PCCA: variants seen among roughly 807,000 people sequenced by gnomAD.
PCCA encodes the protein propionyl-CoA carboxylase subunit alpha, also known as propionyl-CoA carboxylase alpha chain, mitochondrial.
In PCCA, 74 loss-of-function variants were observed where a neutral mutation model predicts 101.3. The observed-to-expected ratio is 0.73, with a 90% CI of 0.61 to 0.89. PCCA has a LOEUF of 0.89. Among genes scored for constraint, PCCA ranks in the 40% least tolerant of loss-of-function variants. The pLI is 0.00. For missense variants in PCCA, 891 were observed against 907.0 expected, an observed-to-expected ratio of 0.98 and a Z score of 0.23; for synonymous variants, 294 against 313.6, an observed-to-expected ratio of 0.94 and a Z score of 0.66.
At chr13:100,363,281 G>C (rs993901051) in intron 18 of PCCA, among the ~76,000 whole-genome samples, 2 of 151,714 alleles carry the variant, frequency 1.3e-5, no homozygotes, top group Non-Finnish European at 2.9e-5. Context: ...TCATATACTA[G>C]ATCTAAAGTT....
At chr13:100,354,278 AAAG>A (rs1366686161) in intron 18 of PCCA, among the ~76,000 whole-genome samples, 1 of 140,692 alleles carries the variant, frequency 7.1e-6, no homozygotes, top group Non-Finnish European at 1.5e-5. Flanking sequence ...GACCCTGTTG[AAAG>A]AAAGAAGGAG....
intron 4 of PCCA, among the ~76,000 whole-genome samples, chr13:100,137,937 G>C (rs1265536858): frequency 6.6e-6 from 1 of 151,948 alleles, no homozygotes; most frequent in South Asian, 2.1e-4. Context: ...AGCCTCCTGA[G>C]TAACTGGGAA....
At chr13:100,448,614 ATTTAC>A (rs1231336332) in intron 20 of PCCA, among the ~76,000 whole-genome samples, 2 of 152,196 alleles carry the variant, frequency 1.3e-5, no homozygotes, top group East Asian at 3.8e-4. Context: ...TAGTCATAGT[ATTTAC>A]TTTTAATTAA....
intron 18 of PCCA, among the ~76,000 whole-genome samples, chr13:100,354,658 G>A (rs2073771728): frequency 6.6e-6 from 1 of 152,054 alleles, no homozygotes; most frequent in African/African-American, 2.4e-5. Flanking sequence ...TGAATAATAG[G>A]GGGTATGCCT....
chr13:100,224,460 G>A (rs1177890664), intron 7 of PCCA, among the ~76,000 whole-genome samples: 1 of 152,254 alleles, frequency 6.6e-6, no homozygotes, highest in African/African-American at 2.4e-5. Context: ...AGCTGAGGGA[G>A]CTGGCTCTGG....
intron 21 of PCCA, among the ~76,000 whole-genome samples, chr13:100,505,440 G>C (rs564469151): frequency 6.6e-6 from 1 of 152,188 alleles, no homozygotes; most frequent in Non-Finnish European, 1.5e-5. Flanking sequence ...TCCTTTCTTT[G>C]ATTTTAGAGC....
intron 6 of PCCA, among the ~76,000 whole-genome samples, chr13:100,172,715 A>G (rs751811138): frequency 2.0e-5 from 3 of 152,208 alleles, no homozygotes; most frequent in Non-Finnish European, 4.4e-5. Context: ...ACTTTTAACA[A>G]ATTAATAACT....
intron 4 of PCCA, among the ~76,000 whole-genome samples, chr13:100,142,287 G>C (rs2051967493): frequency 6.6e-6 from 1 of 152,140 alleles, no homozygotes; most frequent in Non-Finnish European, 1.5e-5. Context: ...TTGGAGAAAA[G>C]TTAGATTTTG....
chr13:100,268,880 C>A, intron 11 of PCCA, 97 bp downstream of exon 11: 2 of 884,260 alleles, frequency 2.3e-6, no homozygotes, highest in Non-Finnish European at 3.8e-6. Context: ...CATTCAGAGA[C>A]AGGGTCTCAC....
chr13:100,341,186 T>C (rs957424761), intron 18 of PCCA, among the ~76,000 whole-genome samples: 1 of 152,062 alleles, frequency 6.6e-6, no homozygotes, highest in Non-Finnish European at 1.5e-5. Flanking sequence ...CAGGGAGAGA[T>C]GAGAAGATAT....
rs1043682622 is a variant in PCCA at position 100,331,125 on chromosome 13, T to C, written c.1540+454T>C. 1.9e-4 allele frequency among the ~76,000 whole-genome samples: 29 copies of C among 152,202 alleles called. 1 individual carries two copies. Among genetic ancestry groups the C allele is most frequent in the Non-Finnish European group, 3.1e-4 (21 of 68,040 alleles). On this transcript the variant is annotated intron_variant, in intron 17 of 23. Transcript: ENST00000376285. ...AAAATCTAGGAAGATGATGATTTTATTCTGAAAAATGAAGTTTTCAATAAA... is the reference window on the plus strand; with the variant it reads ...AAAATCTAGGAAGATGATGATTTTACTCTGAAAAATGAAGTTTTCAATAAA...
chr13:100,472,118 G>T (rs866283624), intron 21 of PCCA, among the ~76,000 whole-genome samples: 1 of 152,188 alleles, frequency 6.6e-6, no homozygotes, highest in Non-Finnish European at 1.5e-5. Context: ...CCCTATTTCT[G>T]TAAGCGCGAA....
At chr13:100,473,867 G>A (rs548357697) in intron 21 of PCCA, among the ~76,000 whole-genome samples, 1 of 152,330 alleles carries the variant, frequency 6.6e-6, no homozygotes, top group African/African-American at 2.4e-5. Context: ...CAATGACATC[G>A]TGTCTTGTAA....
intron 18 of PCCA, among the ~76,000 whole-genome samples, chr13:100,351,663 T>G (rs1447298610): frequency 1.3e-5 from 2 of 152,208 alleles, no homozygotes; most frequent in African/African-American, 4.8e-5. Context: ...GTGGGCATTG[T>G]GTGCTTTAAT....
chr13:100,527,973 G>T (rs1312739695), intron 23 of PCCA, among the ~76,000 whole-genome samples: 2 of 152,212 alleles, frequency 1.3e-5, no homozygotes, highest in African/African-American at 4.8e-5. Flanking sequence ...TTATGTTCAG[G>T]TAGTCAAAGA....
intron 6 of PCCA, among the ~76,000 whole-genome samples, chr13:100,181,809 A>T (rs1346066618): frequency 7.1e-6 from 1 of 141,614 alleles, no homozygotes; most frequent in African/African-American, 2.7e-5. Context: ...TCTGTCGCCC[A>T]GGCTGGAGTG....
At chr13:100,376,011 C>T (rs1044857513) in intron 19 of PCCA, among the ~76,000 whole-genome samples, 3 of 152,174 alleles carry the variant, frequency 2.0e-5, no homozygotes. Context: ...TGGTGACCTT[C>T]GGATGGGGTT....
At chr13:100,105,113 C>G (rs988609267) in intron 2 of PCCA, among the ~76,000 whole-genome samples, 1 of 152,064 alleles carries the variant, frequency 6.6e-6, no homozygotes, top group African/African-American at 2.4e-5. Context: ...AAAGTATTAA[C>G]AAGACACCTT....
rs527755358 is a variant in PCCA, at chr13:100,330,641, C to T, written c.1510C>T (p.Leu504Phe). The change falls in exon 17 of 24, where the codon CTC becomes TTC. Residue 504 changes from leucine (L) to phenylalanine (F), a missense_variant. By Grantham distance (22) the Leu-to-Phe change is conservative. Coordinates refer to ENST00000376285, the MANE Select transcript of PCCA (RefSeq NM_000282.4). ...AAAAGGAGACATCAGCACTAAATTTCTCTCCGATGTGTATCCTGATGGCTT... is the reference window on the plus strand; with the variant it reads ...AAAAGGAGACATCAGCACTAAATTTTTCTCCGATGTGTATCCTGATGGCTT... ...FVKGDISTKF[L>F]SDVYPDGFKG... The T allele has an allele frequency of 4.3e-6, 7 of 1,610,078 alleles. No individual in the cohort carries two copies. The highest frequency in any genetic ancestry group is 3.3e-4 in the Middle Eastern group (2 of 6,048).
Sources: allele counts gnomAD v4.1 joint callset (sites outside exome capture counted in the v4.1 genomes callset), GRCh38; gene constraint gnomAD v4.1.1; transcripts MANE v1.5; gene names NCBI Gene and HGNC (gene_info 2026-07-23, HGNC 2026-07-21).